Variants in MRPL1 observed in about 807,000 individuals in gnomAD.
MRPL1 encodes large ribosomal subunit protein uL1m.
In MRPL1, 28 loss-of-function variants were observed where a neutral mutation model predicts 38.0. The observed-to-expected ratio is 0.74, with a 90% CI of 0.55 to 1.01. MRPL1 has a LOEUF of 1.01. Ranked by LOEUF, MRPL1 falls within the 50% of genes least tolerant of loss-of-function variation. The pLI is 0.00. For missense variants in MRPL1, 358 were observed against 389.8 expected (o/e 0.92, Z 0.69); for synonymous variants, 123 against 126.7 (o/e 0.97, Z 0.20).
At chr4:77,941,415 A>C (rs528866344) in intron 7 of MRPL1, among the ~76,000 whole-genome samples, 1 of 152,046 alleles carries the variant, frequency 6.6e-6, no homozygotes, top group Admixed American at 6.6e-5. Flanking sequence ...CTATTTCTCT[A>C]TCTTGTGGAA....
intron 2 of MRPL1, among the ~76,000 whole-genome samples, chr4:77,872,857 C>T (rs1402576560): frequency 6.6e-6 from 1 of 151,930 alleles, no homozygotes; most frequent in South Asian, 2.1e-4. Context: ...AGTGAGACTC[C>T]ATCTCAAAAC....
At chr4:77,888,652 T>G (rs1403543079) in intron 5 of MRPL1, among the ~76,000 whole-genome samples, 3 of 152,068 alleles carry the variant, frequency 2.0e-5, no homozygotes, top group African/African-American at 7.2e-5. Flanking sequence ...ATATAAAAGA[T>G]TTTTCTTAGG....
At chr4:77,882,654 A>C (rs1241705357) in intron 2 of MRPL1, among the ~76,000 whole-genome samples, 1 of 152,206 alleles carries the variant, frequency 6.6e-6, no homozygotes, top group Non-Finnish European at 1.5e-5. Flanking sequence ...AGCATTGATC[A>C]ATATTTCATT....
At chr4:77,938,404 T>A (rs190843693) in intron 7 of MRPL1, among the ~76,000 whole-genome samples, 1 of 152,332 alleles carries the variant, frequency 6.6e-6, no homozygotes, top group African/African-American at 2.4e-5. Context: ...GGGTATTTTC[T>A]AAGACCTTTA....
At chr4:77,916,066 G>C (rs1736416923) in intron 7 of MRPL1, among the ~76,000 whole-genome samples, 1 of 152,106 alleles carries the variant, frequency 6.6e-6, no homozygotes, top group Non-Finnish European at 1.5e-5. Flanking sequence ...TCCCCCAATG[G>C]CTCTTTCCAT....
chr4:77,933,478 T>C (rs1394657870), intron 7 of MRPL1, among the ~76,000 whole-genome samples: 1 of 152,086 alleles, frequency 6.6e-6, no homozygotes, highest in Non-Finnish European at 1.5e-5. Context: ...AGTGTGGAAC[T>C]TGGAAAAGTG....
intron 1 of MRPL1, among the ~76,000 whole-genome samples, chr4:77,867,269 A>G (rs894087728): frequency 2.0e-5 from 3 of 152,164 alleles, no homozygotes; most frequent in Non-Finnish European, 4.4e-5. Flanking sequence ...CACATGTTTC[A>G]TTGGCGTATT....
intron 6 of MRPL1, among the ~76,000 whole-genome samples, chr4:77,897,399 G>C (rs1735942595): frequency 6.6e-6 from 1 of 152,158 alleles, no homozygotes; most frequent in African/African-American, 2.4e-5. Flanking sequence ...AATGGTATCA[G>C]ATGTTTATTA....
At chr4:77,882,559 A>G (rs921940865) in intron 2 of MRPL1, among the ~76,000 whole-genome samples, 3 of 152,258 alleles carry the variant, frequency 2.0e-5, no homozygotes, top group Middle Eastern at 3.4e-3. Flanking sequence ...CATTCTTGAT[A>G]TTTGGTATAA....
chr4:77,939,389 G>T (rs1737065506), intron 7 of MRPL1, among the ~76,000 whole-genome samples: 1 of 151,740 alleles, frequency 6.6e-6, no homozygotes, highest in South Asian at 2.1e-4. Context: ...GGGATTGCTT[G>T]TTTTTTTTCT....
intron 7 of MRPL1, among the ~76,000 whole-genome samples, chr4:77,912,595 CA>C (rs771978773): frequency 2.4e-4 from 36 of 152,208 alleles, no homozygotes; most frequent in Non-Finnish European, 4.9e-4. Context: ...GTTTATGGAT[CA>C]GTAGACTCAA....
chr4:77,892,290 C>A (rs1291917878), intron 5 of MRPL1, among the ~76,000 whole-genome samples: 2 of 151,940 alleles, frequency 1.3e-5, no homozygotes, highest in African/African-American at 4.8e-5. Flanking sequence ...TGCCACCACG[C>A]CCAGCTAATT....
intron 2 of MRPL1, among the ~76,000 whole-genome samples, chr4:77,880,697 C>G (rs1276887401): frequency 6.6e-6 from 1 of 152,130 alleles, no homozygotes; most frequent in Admixed American, 6.6e-5. Context: ...TACATCACCT[C>G]TAGTTCTTTT....
chr4:77,920,266 A>G (rs1307440939), intron 7 of MRPL1, among the ~76,000 whole-genome samples: 2 of 152,140 alleles, frequency 1.3e-5, no homozygotes, highest in African/African-American at 2.4e-5. Context: ...TTTCATTTCA[A>G]AGTAATTCCT....
At chr4:77,893,909 A>G (rs1354145408) in intron 5 of MRPL1, among the ~76,000 whole-genome samples, 1 of 151,888 alleles carries the variant, frequency 6.6e-6, no homozygotes, top group African/African-American at 2.4e-5. Context: ...CCAAAGGAAG[A>G]AACCATTAAT....
intron 7 of MRPL1, among the ~76,000 whole-genome samples, chr4:77,910,948 T>G (rs926052911): frequency 6.6e-6 from 1 of 152,160 alleles, no homozygotes. Flanking sequence ...GACAACATTG[T>G]AATTGAAAAA....
chr4:77,948,886 T>G (rs1737339951), intron 7 of MRPL1, among the ~76,000 whole-genome samples: 1 of 151,674 alleles, frequency 6.6e-6, no homozygotes, highest in African/African-American at 2.4e-5. Flanking sequence ...TTCTCCTGCC[T>G]CAGCCTCCCG....
intron 6 of MRPL1, among the ~76,000 whole-genome samples, chr4:77,899,159 C>T (rs1371426092): frequency 2.1e-5 from 3 of 141,632 alleles, no homozygotes; most frequent in African/African-American, 8.2e-5. Context: ...ACGCCTGGCT[C>T]ATTTTTTTTT....
intron 7 of MRPL1, among the ~76,000 whole-genome samples, chr4:77,936,970 T>A (rs1438418452): frequency 1.3e-5 from 2 of 152,028 alleles, no homozygotes; most frequent in Non-Finnish European, 2.9e-5. Flanking sequence ...ATAAAAATTT[T>A]AAAAATTAGC....
Sources: allele counts gnomAD v4.1 joint callset (sites outside exome capture counted in the v4.1 genomes callset), GRCh38; gene constraint gnomAD v4.1.1; transcripts MANE v1.5; gene names NCBI Gene and HGNC (gene_info 2026-07-23, HGNC 2026-07-21).